The following PPM1H variants were observed in gnomAD, a reference collection of about 807,000 sequenced individuals.
The protein encoded by PPM1H is protein phosphatase 1H.
A neutral mutation model predicts 54.9 loss-of-function variants in PPM1H; 27 were observed. The ratio of observed to expected loss-of-function variants is 0.49; its 90% CI spans 0.36 to 0.68. The LOEUF is 0.68. PPM1H is among the 30% of genes least tolerant of loss of function. The pLI is 0.00. For synonymous variants in PPM1H, 305 were observed against 270.8 expected, an observed-to-expected ratio of 1.13 and a Z score of -1.24; for missense variants, 596 against 667.8, an observed-to-expected ratio of 0.89 and a Z score of 1.19.
At chr12:62,702,603 T>C (rs988921147) in intron 6 of PPM1H, among the ~76,000 whole-genome samples, 1 of 149,582 alleles carries the variant, frequency 6.7e-6, no homozygotes, top group Non-Finnish European at 1.5e-5. Flanking sequence ...TTTCCCTAAG[T>C]CTTAATTCCC....
At chr12:62,651,518 C>T (rs1266506258) in intron 9 of PPM1H, among the ~76,000 whole-genome samples, 2 of 152,132 alleles carry the variant, frequency 1.3e-5, no homozygotes, top group Non-Finnish European at 2.9e-5. Flanking sequence ...TTTTAAAAAG[C>T]AAGGATTAGG....
chr12:62,800,581 C>T (rs1287315738), intron 3 of PPM1H, among the ~76,000 whole-genome samples: 1 of 152,136 alleles, frequency 6.6e-6, no homozygotes, highest in African/African-American at 2.4e-5. Flanking sequence ...TTGCGATCCA[C>T]CCACCTCGAC....
rs558238978 is a variant in PPM1H, at chr12:62,688,982, C to T, written c.1245+717G>A. On this transcript the variant is annotated intron_variant, in intron 8 of 9. Coordinates refer to ENST00000228705, the MANE Select transcript of PPM1H (RefSeq NM_020700.2). Reference sequence around the variant, plus strand: ...CTACACTCCAGCCTGGGCGACAGAGCGAGACTTTGTCTCAAAATACAAAAC... The same window carrying T: ...CTACACTCCAGCCTGGGCGACAGAGTGAGACTTTGTCTCAAAATACAAAAC... 5.3e-5 allele frequency among the ~76,000 whole-genome samples: 8 copies of T among 152,230 alleles called. No homozygotes were observed. In the East Asian group the frequency reaches 7.7e-4, roughly 15 times the overall value.
At chr12:62,858,886 C>T (rs990446446) in intron 1 of PPM1H, among the ~76,000 whole-genome samples, 4 of 152,232 alleles carry the variant, frequency 2.6e-5, no homozygotes, top group African/African-American at 4.8e-5. Context: ...TCATGGGGGA[C>T]AAAATGTTTT....
intron 1 of PPM1H, among the ~76,000 whole-genome samples, chr12:62,905,263 G>C (rs1871270892): frequency 6.6e-6 from 1 of 152,220 alleles, no homozygotes; most frequent in African/African-American, 2.4e-5. Flanking sequence ...TCCAGAGAAA[G>C]AAGCCAGGGT....
intron 1 of PPM1H, among the ~76,000 whole-genome samples, chr12:62,905,161 G>A (rs1449778318): frequency 6.6e-6 from 1 of 152,194 alleles, no homozygotes; most frequent in Non-Finnish European, 1.5e-5. Context: ...GACAGTATTG[G>A]TAGAGAGCTC....
rs74095841 is a variant in PPM1H at position 62,651,156 on chromosome 12, T to C, written c.1398-2520A>G. 2.8e-3 allele frequency among the ~76,000 whole-genome samples: 421 copies of C among 152,312 alleles called. 3 individuals carry two copies. Among genetic ancestry groups the C allele is most frequent in the African/African-American group, 9.9e-3 (411 of 41,572 alleles). Reference sequence around the variant, plus strand: ...ATGGTATGCTATGAGAAAATATGCCTGACAATAAAAGATACTCAATCCTTT... The same window carrying C: ...ATGGTATGCTATGAGAAAATATGCCCGACAATAAAAGATACTCAATCCTTT... On this transcript the variant is annotated intron_variant, in intron 9 of 9. Transcript: ENST00000228705.
chr12:62,890,336 T>C (rs1189128741), intron 1 of PPM1H, among the ~76,000 whole-genome samples: 1 of 152,008 alleles, frequency 6.6e-6, no homozygotes, highest in Non-Finnish European at 1.5e-5. Context: ...TGCACACCTG[T>C]AGTCTCAACT....
At chr12:62,922,779 C>A (rs35325586) in intron 1 of PPM1H, among the ~76,000 whole-genome samples, 9 of 152,192 alleles carry the variant, frequency 5.9e-5, no homozygotes, top group Non-Finnish European at 1.0e-4. Flanking sequence ...ACAATCTCTA[C>A]TTCAGAAGTA....
At chr12:62,781,401 G>A (rs922771400) in intron 4 of PPM1H, among the ~76,000 whole-genome samples, 8 of 152,240 alleles carry the variant, frequency 5.3e-5, no homozygotes, top group Non-Finnish European at 7.3e-5. Flanking sequence ...CTTGCCCTGC[G>A]TGTGGTGTCC....
At chr12:62,749,971 A>G (rs951781777) in intron 4 of PPM1H, among the ~76,000 whole-genome samples, 1 of 152,244 alleles carries the variant, frequency 6.6e-6, no homozygotes, top group East Asian at 1.9e-4. Context: ...CTATACCAGC[A>G]ACACTCATGA....
At chr12:62,833,077 C>G (rs1427074585) in intron 1 of PPM1H, among the ~76,000 whole-genome samples, 8 of 152,216 alleles carry the variant, frequency 5.3e-5, no homozygotes, top group Non-Finnish European at 1.2e-4. Flanking sequence ...CCGCTTTCTT[C>G]TTAAGTAATT....
chr12:62,925,894 A>T (rs1871957563), intron 1 of PPM1H, among the ~76,000 whole-genome samples: 2 of 152,214 alleles, frequency 1.3e-5, no homozygotes, highest in African/African-American at 4.8e-5. Context: ...TGGTCATTTC[A>T]TCTGTCTTCT....
chr12:62,927,534 C>T (rs375279782), intron 1 of PPM1H, among the ~76,000 whole-genome samples: 4 of 151,340 alleles, frequency 2.6e-5, no homozygotes, highest in African/African-American at 4.9e-5. Flanking sequence ...TGGTGGTGGG[C>T]GCCTGTAATC....
intron 2 of PPM1H, among the ~76,000 whole-genome samples, chr12:62,828,228 G>A (rs980109632): frequency 1.3e-5 from 2 of 152,148 alleles, no homozygotes; most frequent in African/African-American, 4.8e-5. Flanking sequence ...AATTATAGAA[G>A]TGGAAGCCAA....
At chr12:62,770,848 G>A (rs1320032315) in intron 4 of PPM1H, among the ~76,000 whole-genome samples, 1 of 152,080 alleles carries the variant, frequency 6.6e-6, no homozygotes, top group Non-Finnish European at 1.5e-5. Flanking sequence ...GATTTCAAAA[G>A]CCATTTTATT....
At chr12:62,689,650 C>T (rs2076072436) in intron 8 of PPM1H, 49 bp downstream of exon 8, 1 of 1,459,976 alleles carries the variant, frequency 6.8e-7, no homozygotes, top group Non-Finnish European at 9.5e-7. Context: ...AGGAATAACG[C>T]CGAAAATGTT....
rs116847093 is a variant in PPM1H, at chr12:62,888,803, T to C, written c.245+45689A>G. ...ACAGGCATTTACCCAGATTTTCCCA[T>C]TTGATCCCCACAATTAAGTCCATTT... On this transcript the variant is annotated intron_variant, in intron 1 of 9. Coordinates refer to ENST00000228705, the MANE Select transcript of PPM1H (RefSeq NM_020700.2). Among the ~76,000 whole-genome samples, 204 of 152,306 alleles carry C rather than the reference T, an allele frequency of 1.3e-3. 4 individuals are homozygous for C. In the East Asian group the frequency reaches 0.034, roughly 25 times the overall value.
intron 7 of PPM1H, among the ~76,000 whole-genome samples, chr12:62,690,951 A>T (rs571061283): frequency 1.3e-5 from 2 of 152,236 alleles, no homozygotes; most frequent in Non-Finnish European, 2.9e-5. Context: ...AGCCTGGGTG[A>T]CACAGTGAGA....
Sources: allele counts gnomAD v4.1 joint callset (sites outside exome capture counted in the v4.1 genomes callset), GRCh38; gene constraint gnomAD v4.1.1; transcripts MANE v1.5; gene names NCBI Gene and HGNC (gene_info 2026-07-23, HGNC 2026-07-21).